The following LINGO2 variants were observed in gnomAD, a reference collection of about 807,000 sequenced individuals.
LINGO2 encodes leucine rich repeat and Ig domain containing 2, also known as leucine-rich repeat and immunoglobulin-like domain-containing nogo receptor-interacting protein 2.
In LINGO2, 14 loss-of-function variants were observed where a neutral mutation model predicts 30.6. The observed-to-expected ratio is 0.46, with a 90% CI of 0.30 to 0.72. The LOEUF is 0.72. LINGO2 is among the 30% of genes least tolerant of loss of function. The pLI is 0.07. For missense variants in LINGO2, 729 were observed against 751.7 expected (o/e 0.97, Z 0.35); for synonymous variants, 317 against 288.5 (o/e 1.10, Z -1.00).
chr9:29,004,286 AT>A, the LINGO2 span, among the ~76,000 whole-genome samples: 201 of 152,132 alleles, frequency 1.3e-3, no homozygotes, highest in Non-Finnish European at 2.5e-3. Flanking sequence ...TAGCTAAAAA[AT>A]AATCTCATAA....
intron 4 of LINGO2, among the ~76,000 whole-genome samples, chr9:28,188,510 C>G (rs1819624959): frequency 1.3e-5 from 2 of 152,016 alleles, no homozygotes; most frequent in Non-Finnish European, 1.5e-5. Context: ...GACTATCTTT[C>G]CTGCAATTTT....
chr9:29,169,001 T>G, the LINGO2 span, among the ~76,000 whole-genome samples: 3 of 152,206 alleles, frequency 2.0e-5, no homozygotes, highest in East Asian at 5.8e-4. Context: ...CAGGCTGGAG[T>G]GCAATGGTGT....
chr9:29,142,988 T>C, the LINGO2 span, among the ~76,000 whole-genome samples: 1 of 151,930 alleles, frequency 6.6e-6, no homozygotes. Flanking sequence ...TCAGTGGAAT[T>C]TTAATTCTCT....
the LINGO2 span, among the ~76,000 whole-genome samples, chr9:28,968,221 C>T: frequency 6.6e-6 from 1 of 152,120 alleles, no homozygotes; most frequent in Non-Finnish European, 1.5e-5. Flanking sequence ...TTTAGACTTA[C>T]AGAAAATAGA....
At chr9:29,014,819 T>C in the LINGO2 span, among the ~76,000 whole-genome samples, 1 of 152,156 alleles carries the variant, frequency 6.6e-6, no homozygotes. Flanking sequence ...ATAGTATGAA[T>C]GTAAAAAATG....
chr9:28,752,677 T>G, the LINGO2 span, among the ~76,000 whole-genome samples: 6 of 152,070 alleles, frequency 3.9e-5, no homozygotes, highest in African/African-American at 1.2e-4. Flanking sequence ...AGTAGATTCA[T>G]GAGGCTCAGA....
intron 4 of LINGO2, among the ~76,000 whole-genome samples, chr9:28,060,596 T>G (rs1309889127): frequency 3.3e-5 from 5 of 152,174 alleles, no homozygotes; most frequent in African/African-American, 4.8e-5. Context: ...CTTGAACTAA[T>G]TATTATTATA....
At position 27,950,864 on chromosome 9, in the gene LINGO2, A is replaced by T. The variant is rs1819271909; in HGVS notation, c.-35-158T>A. Among the ~76,000 whole-genome samples the T allele has an allele frequency of 2.0e-5, 3 of 152,214 alleles. No homozygotes were observed. In the South Asian group the frequency reaches 6.2e-4, roughly 32 times the overall value. On this transcript the variant is annotated intron_variant, in intron 5 of 5. Coordinates refer to ENST00000379992, the Ensembl canonical transcript of LINGO2. ...CCTGATGGACGACCCTCTTAGTAAC[A>T]GGTTCTTGGTCAAGTTATTTAATCT... is the stretch of plus-strand genomic sequence containing the variant.
chr9:29,041,129 A>G, the LINGO2 span, among the ~76,000 whole-genome samples: 1 of 152,094 alleles, frequency 6.6e-6, no homozygotes, highest in Non-Finnish European at 1.5e-5. Flanking sequence ...AAGGATAATC[A>G]GAACTTAAAC....
At chr9:28,866,812 C>T in the LINGO2 span, among the ~76,000 whole-genome samples, 1 of 152,072 alleles carries the variant, frequency 6.6e-6, no homozygotes, top group African/African-American at 2.4e-5. Context: ...TAATTGGGCT[C>T]CAACTAGGCA....
At chr9:27,992,416 C>G (rs1821442494) in intron 5 of LINGO2, among the ~76,000 whole-genome samples, 1 of 151,896 alleles carries the variant, frequency 6.6e-6, no homozygotes, top group Admixed American at 6.6e-5. Context: ...TTTATTGAGT[C>G]TATGTGCCAT....
the LINGO2 span, among the ~76,000 whole-genome samples, chr9:28,731,533 T>G: frequency 6.6e-6 from 1 of 152,122 alleles, no homozygotes; most frequent in African/African-American, 2.4e-5. Context: ...GCCAGGGGTT[T>G]AGGAATGAAG....
intron 1 of LINGO2, among the ~76,000 whole-genome samples, chr9:28,479,948 T>TAC (rs1385765927): frequency 3.9e-5 from 5 of 129,130 alleles, no homozygotes; most frequent in African/African-American, 1.6e-4. Flanking sequence ...TATATATATA[T>TAC]ATATATATGT....
chr9:29,082,611 C>A, the LINGO2 span, among the ~76,000 whole-genome samples: 2 of 151,940 alleles, frequency 1.3e-5, no homozygotes, highest in African/African-American at 2.4e-5. Flanking sequence ...AGCTTCTGCA[C>A]GGCAAAAGAA....
At chr9:28,589,282 T>G (rs1290769080) in intron 1 of LINGO2, among the ~76,000 whole-genome samples, 1 of 152,018 alleles carries the variant, frequency 6.6e-6, no homozygotes, top group African/African-American at 2.4e-5. Context: ...TTCAACATAG[T>G]GTTGGAAGTT....
intron 2 of LINGO2, among the ~76,000 whole-genome samples, chr9:28,403,355 G>C (rs1822350401): frequency 6.6e-6 from 1 of 152,118 alleles, no homozygotes; most frequent in Non-Finnish European, 1.5e-5. Flanking sequence ...GATGGCAGGG[G>C]TTGCATTATT....
the LINGO2 span, among the ~76,000 whole-genome samples, chr9:29,140,068 T>TA: frequency 6.6e-6 from 1 of 152,130 alleles, no homozygotes; most frequent in Non-Finnish European, 1.5e-5. Flanking sequence ...GAATCTCTAG[T>TA]ATACCTCTTG....
intron 2 of LINGO2, among the ~76,000 whole-genome samples, chr9:28,374,682 T>C (rs959801693): frequency 1.3e-5 from 2 of 152,248 alleles, no homozygotes; most frequent in African/African-American, 4.8e-5. Flanking sequence ...TCAATATTGA[T>C]AAGCAACTAC....
intron 3 of LINGO2, among the ~76,000 whole-genome samples, chr9:28,298,465 C>A (rs907430061): frequency 1.3e-5 from 2 of 148,498 alleles, no homozygotes; most frequent in African/African-American, 2.5e-5. Flanking sequence ...AGATCGAAAC[C>A]ATCCTGCCCA....
Sources: allele counts gnomAD v4.1 joint callset (sites outside exome capture counted in the v4.1 genomes callset), GRCh38; gene constraint gnomAD v4.1.1; transcripts MANE v1.5; gene names NCBI Gene and HGNC (gene_info 2026-07-23, HGNC 2026-07-21).